Variants in ASPH observed in about 807,000 individuals in gnomAD.
ASPH encodes aspartate beta-hydroxylase, also known as aspartyl/asparaginyl beta-hydroxylase.
ASPH carries 100 observed loss-of-function variants against 118.4 expected under a neutral mutation model. The ratio of observed to expected loss-of-function variants is 0.84; its 90% confidence interval spans 0.72 to 1.00. The LOEUF is 1.00. ASPH is among the 50% of genes least tolerant of loss of function. The pLI, the probability that ASPH is intolerant of heterozygous loss-of-function variation, is 0.00. For missense variants in ASPH, 920 were observed against 919.5 expected (o/e 1.00, Z -0.01); for synonymous variants, 315 against 325.6 (o/e 0.97, Z 0.35).
rs995286361 is a variant in ASPH, at chr8:61,627,524, G to A, written c.934+6159C>T. 3.9e-5 allele frequency among the ~76,000 whole-genome samples: 6 copies of A among 152,120 alleles called. No individual in the cohort carries two copies. In the East Asian group the frequency reaches 1.2e-3, roughly 29 times the overall value. On this transcript the variant is annotated intron_variant, in intron 13 of 24. Transcript: ENST00000379454. ...GTAACGGGTACGAGTATATATGCAT[G>A]GAAAAATTCAACATTTGAGCATTTC...
intron 14 of ASPH, among the ~76,000 whole-genome samples, chr8:61,599,119 T>C (rs1279343668): frequency 6.6e-6 from 1 of 151,338 alleles, no homozygotes; most frequent in African/African-American, 2.4e-5. Context: ...CTAAAACTAG[T>C]AGAAAGAAAC....
At chr8:61,540,766 CTG>C (rs1319323659) in intron 21 of ASPH, among the ~76,000 whole-genome samples, 1 of 152,128 alleles carries the variant, frequency 6.6e-6, no homozygotes, top group Admixed American at 6.5e-5. Context: ...CTATCTCTCA[CTG>C]TAATGTAGAG....
chr8:61,646,082 G>C (rs1807800697), intron 6 of ASPH, among the ~76,000 whole-genome samples: 1 of 152,192 alleles, frequency 6.6e-6, no homozygotes, highest in East Asian at 1.9e-4. Flanking sequence ...CTACTTGAGA[G>C]GCTGAGGTGA....
At chr8:61,667,783 A>G (rs750573946) in intron 3 of ASPH, among the ~76,000 whole-genome samples, 69 of 152,352 alleles carry the variant, frequency 4.5e-4, no homozygotes, top group Non-Finnish European at 7.9e-4. Flanking sequence ...GAATCACACT[A>G]GCTTTCACTG....
chr8:61,689,574 A>G, intron 1 of ASPH: 2 of 1,238,382 alleles, frequency 1.6e-6, no homozygotes, highest in Non-Finnish European at 2.3e-6. Context: ...CAGTCAAAGC[A>G]CTTAGCCAAA....
At chr8:61,655,466 T>C (rs1030033906) in intron 3 of ASPH, among the ~76,000 whole-genome samples, 3 of 152,162 alleles carry the variant, frequency 2.0e-5, no homozygotes, top group Admixed American at 2.0e-4. Flanking sequence ...CATCCTTCAC[T>C]GACCCCACTT....
At chr8:61,507,072 A>G (rs962176760) in intron 24 of ASPH, among the ~76,000 whole-genome samples, 4 of 152,228 alleles carry the variant, frequency 2.6e-5, no homozygotes, top group Non-Finnish European at 5.9e-5. Context: ...TGATACGTAT[A>G]ACAAAGCCAA....
intron 3 of ASPH, chr8:61,665,178 C>T: frequency 4.0e-6 from 6 of 1,517,558 alleles, no homozygotes; most frequent in Non-Finnish European, 4.4e-6. Flanking sequence ...AGCAATATTA[C>T]ATTTTCCATG....
chr8:61,695,009 G>T (rs768977867), intron 1 of ASPH, among the ~76,000 whole-genome samples: 7 of 152,142 alleles, frequency 4.6e-5, no homozygotes, highest in Non-Finnish European at 7.3e-5. Context: ...GTTGCAAACG[G>T]GTGATTACAA....
intron 1 of ASPH, among the ~76,000 whole-genome samples, chr8:61,711,413 C>A (rs1838028796): frequency 6.6e-6 from 1 of 151,922 alleles, no homozygotes; most frequent in Admixed American, 6.5e-5. Flanking sequence ...AAGTCCAGTT[C>A]TATATGCAAA....
intron 1 of ASPH, among the ~76,000 whole-genome samples, chr8:61,702,476 CG>C (rs2151874242): frequency 6.6e-6 from 1 of 151,824 alleles, no homozygotes; most frequent in East Asian, 1.9e-4. Flanking sequence ...TTAGTAGAGA[CG>C]GGGTTTCACC....
chr8:61,625,779 G>A, intron 13 of ASPH: 1 of 985,836 alleles, frequency 1.0e-6, no homozygotes, highest in Non-Finnish European at 1.2e-6. Flanking sequence ...AGCTAATGAT[G>A]ATCTCTGTTA....
intron 5 of ASPH, among the ~76,000 whole-genome samples, chr8:61,649,764 T>C (rs1282814314): frequency 6.6e-6 from 1 of 151,678 alleles, no homozygotes; most frequent in Non-Finnish European, 1.5e-5. Flanking sequence ...ACAACCTCCA[T>C]CTAATCTCCC....
intron 1 of ASPH, among the ~76,000 whole-genome samples, chr8:61,696,186 A>C (rs1833884774): frequency 6.6e-6 from 1 of 152,212 alleles, no homozygotes; most frequent in Non-Finnish European, 1.5e-5. Flanking sequence ...GGCAAACACC[A>C]GATGCTGCTC....
chr8:61,554,421 T>A (rs1042026325), intron 19 of ASPH, among the ~76,000 whole-genome samples: 28 of 152,198 alleles, frequency 1.8e-4, no homozygotes, highest in Non-Finnish European at 3.8e-4. Flanking sequence ...CTATTTGGGA[T>A]CTCTGATTTA....
rs892717969 is a variant in ASPH at position 61,582,969 on chromosome 8, T to A, written c.1062+975A>T. 5 of 152,230 alleles carry A rather than the reference T, an allele frequency of 3.3e-5. No homozygotes were observed. In the South Asian group the frequency reaches 8.3e-4, roughly 25 times the overall value. 9.4% of individuals were successfully genotyped at this position (152,230 alleles called of 1,614,324 possible). On this transcript the variant is annotated intron_variant, in intron 15 of 24. Transcript: ENST00000379454. ...TTTTGCACCCGATGATTAGATGATA[T>A]GACCAAGGTAAGGGAACGAATAACT...
Position 61,563,964 on chromosome 8 carries a change from G to T in ASPH, c.1301-1084C>A, listed in dbSNP as rs535260842. Among the ~76,000 whole-genome samples the T allele has an allele frequency of 5.3e-5, 8 of 152,262 alleles. No homozygotes were observed. In the South Asian group the frequency reaches 1.7e-3, roughly 32 times the overall value. On this transcript the variant is annotated intron_variant, in intron 17 of 24. Coordinates refer to ENST00000379454, the MANE Select transcript of ASPH (RefSeq NM_004318.4). ...ATCTTCTGTCTCCATTTGCCTCAGA[G>T]CCTCCTCGAGTGAACTTGCTTTATT...
At chr8:61,591,366 A>G (rs1315723224) in intron 14 of ASPH, among the ~76,000 whole-genome samples, 1 of 152,090 alleles carries the variant, frequency 6.6e-6, no homozygotes, top group Non-Finnish European at 1.5e-5. Context: ...TTCAATGGTC[A>G]ATAATGGAGG....
In ASPH at chr8:61,646,507, C is replaced by CA. The variant is rs201637664; in HGVS notation, c.619+242dup. Among the ~76,000 whole-genome samples the CA allele has an allele frequency of 4.9e-3, 749 of 152,212 alleles. 7 individuals are homozygous for CA. Among genetic ancestry groups the CA allele is most frequent in the African/African-American group, 0.017 (689 of 41,536 alleles). ...AAGAATATAGTAAAACTAGTTTCCTCAAGTATTTGACTCACTATTTATAAG... is the reference window on the plus strand; with the variant it reads ...AAGAATATAGTAAAACTAGTTTCCTCAAAGTATTTGACTCACTATTTATAAG... On this transcript the variant is annotated intron_variant, in intron 6 of 24. Coordinates refer to ENST00000379454, the MANE Select transcript of ASPH (RefSeq NM_004318.4).
Sources: gnomAD v4.1 joint callset for allele counts (sites outside exome capture counted in the v4.1 genomes callset) on GRCh38, gnomAD v4.1.1 for gene constraint, MANE v1.5 for transcripts, NCBI Gene and HGNC (gene_info 2026-07-23, HGNC 2026-07-21) for gene names.